ZBTB20: variants seen among roughly 807,000 people sequenced by gnomAD.
ZBTB20 encodes zinc finger and BTB domain-containing protein 20.
Under a neutral mutation model 56.9 loss-of-function variants are expected in ZBTB20, and 9 were observed. The ratio of observed to expected loss-of-function variants is 0.16; its 90% confidence interval spans 0.10 to 0.28. The LOEUF (loss-of-function observed/expected upper bound fraction) is 0.28. ZBTB20 is among the 10% of genes least tolerant of loss of function. ZBTB20 has a pLI of 1.00. For synonymous variants in ZBTB20, 417 were observed against 420.7 expected, an observed-to-expected ratio of 0.99 and a Z score of 0.11; for missense variants, 655 against 1,003.0, an observed-to-expected ratio of 0.65 and a Z score of 4.69.
chr3:114,765,639 C>T (rs1206337947), intron 5 of ZBTB20, among the ~76,000 whole-genome samples: 1 of 151,996 alleles, frequency 6.6e-6, no homozygotes, highest in East Asian at 1.9e-4. Flanking sequence ...ATTATGGCAG[C>T]CCTAGGAAAC....
At chr3:115,128,829 G>A (rs2084417403) in intron 1 of ZBTB20, among the ~76,000 whole-genome samples, 1 of 152,090 alleles carries the variant, frequency 6.6e-6, no homozygotes, top group Non-Finnish European at 1.5e-5. Context: ...GCAGGGCACG[G>A]TGGCTCACGC....
chr3:114,773,845 A>G (rs1038165535), intron 5 of ZBTB20, among the ~76,000 whole-genome samples: 2 of 152,242 alleles, frequency 1.3e-5, no homozygotes, highest in African/African-American at 4.8e-5. Flanking sequence ...CATACCTTTA[A>G]AGGAAATTAT....
chr3:115,124,211 G>T (rs1252949853), intron 1 of ZBTB20, among the ~76,000 whole-genome samples: 1 of 152,144 alleles, frequency 6.6e-6, no homozygotes, highest in Non-Finnish European at 1.5e-5. Flanking sequence ...TATGTTTTAT[G>T]CTTTGTTAAA....
intron 6 of ZBTB20, among the ~76,000 whole-genome samples, chr3:114,555,840 T>A (rs1033371035): frequency 1.3e-5 from 2 of 152,086 alleles, no homozygotes; most frequent in African/African-American, 4.8e-5. Flanking sequence ...AAAGTCTAGG[T>A]TGGGAAGCCA....
At chr3:114,717,003 T>C (rs1019116782) in intron 5 of ZBTB20, among the ~76,000 whole-genome samples, 4 of 152,028 alleles carry the variant, frequency 2.6e-5, no homozygotes, top group African/African-American at 4.8e-5. Flanking sequence ...GGGAGGTGTA[T>C]GTAGAGCAGA....
intron 2 of ZBTB20, among the ~76,000 whole-genome samples, chr3:115,037,302 G>A (rs2080967191): frequency 6.6e-6 from 1 of 151,990 alleles, no homozygotes. Context: ...GTGAGGAGGT[G>A]GAAACAGAGT....
intron 2 of ZBTB20, among the ~76,000 whole-genome samples, chr3:115,001,033 G>T (rs1372035266): frequency 8.0e-6 from 1 of 125,222 alleles, no homozygotes; most frequent in Non-Finnish European, 1.7e-5. Flanking sequence ...CCATTACGAG[G>T]AAAAAAATTA....
At chr3:114,716,230 C>T (rs781117885) in intron 5 of ZBTB20, among the ~76,000 whole-genome samples, 82 of 152,282 alleles carry the variant, frequency 5.4e-4, no homozygotes, top group Middle Eastern at 3.4e-3. Flanking sequence ...AAATCCAGCC[C>T]ATGCTGGATC....
At chr3:115,013,033 C>A (rs1361001117) in intron 2 of ZBTB20, among the ~76,000 whole-genome samples, 1 of 151,580 alleles carries the variant, frequency 6.6e-6, no homozygotes, top group Non-Finnish European at 1.5e-5. Flanking sequence ...AGTAAAAACA[C>A]AACATGCCAA....
At chr3:115,058,706 C>G (rs1478014672) in intron 2 of ZBTB20, among the ~76,000 whole-genome samples, 1 of 152,096 alleles carries the variant, frequency 6.6e-6, no homozygotes, top group African/African-American at 2.4e-5. Flanking sequence ...CCAGCCTGGG[C>G]AACAGAGCAA....
At chr3:114,738,184 T>G (rs1324133555) in intron 5 of ZBTB20, among the ~76,000 whole-genome samples, 1 of 152,090 alleles carries the variant, frequency 6.6e-6, no homozygotes, top group Non-Finnish European at 1.5e-5. Flanking sequence ...AAATTTGATA[T>G]AAATATACTA....
chr3:114,863,073 A>G (rs550543305), intron 4 of ZBTB20, among the ~76,000 whole-genome samples: 4 of 152,162 alleles, frequency 2.6e-5, no homozygotes, highest in African/African-American at 9.6e-5. Flanking sequence ...TCTATGAACC[A>G]GTGACTTCTG....
intron 7 of ZBTB20, among the ~76,000 whole-genome samples, chr3:114,465,715 AAAAG>A (rs1181047797): frequency 6.6e-6 from 1 of 152,042 alleles, no homozygotes; most frequent in Non-Finnish European, 1.5e-5. Flanking sequence ...TTAAAAAAAA[AAAAG>A]AAAGAAAGAA....
chr3:114,903,505 A>G, intron 3 of ZBTB20, among the ~76,000 whole-genome samples: 1 of 152,052 alleles, frequency 6.6e-6, no homozygotes, highest in Non-Finnish European at 1.5e-5. Flanking sequence ...AAAGCCAGTC[A>G]TGTGCTTGAT....
At chr3:114,730,915 T>A (rs2065688427) in intron 5 of ZBTB20, among the ~76,000 whole-genome samples, 1 of 152,150 alleles carries the variant, frequency 6.6e-6, no homozygotes, top group Non-Finnish European at 1.5e-5. Flanking sequence ...TCAAGAAATG[T>A]CCCAAGAGAC....
chr3:114,945,973 C>T (rs2076873739), intron 3 of ZBTB20, among the ~76,000 whole-genome samples: 1 of 145,480 alleles, frequency 6.9e-6, no homozygotes, highest in Admixed American at 6.6e-5. Flanking sequence ...AGGAAGATAT[C>T]ACAGTTCCAA....
intron 10 of ZBTB20, among the ~76,000 whole-genome samples, chr3:114,365,907 G>T (rs540443835): frequency 1.7e-4 from 26 of 152,230 alleles, no homozygotes; most frequent in Admixed American, 4.6e-4. Flanking sequence ...GATACACTTT[G>T]TTTTGTAGGT....
intron 6 of ZBTB20, among the ~76,000 whole-genome samples, chr3:114,692,359 GAGAT>G (rs2062751425): frequency 6.6e-6 from 1 of 152,098 alleles, no homozygotes; most frequent in South Asian, 2.1e-4. Flanking sequence ...CAGAGAGACA[GAGAT>G]AGATGTGCAA....
chr3:114,576,237 C>T (rs1321645715), intron 6 of ZBTB20, among the ~76,000 whole-genome samples: 2 of 151,976 alleles, frequency 1.3e-5, no homozygotes, highest in Non-Finnish European at 2.9e-5. Flanking sequence ...TGGTGGCTCA[C>T]GCCTGTAATC....
Sources: gnomAD v4.1 joint callset for allele counts (sites outside exome capture counted in the v4.1 genomes callset) on GRCh38, gnomAD v4.1.1 for gene constraint, MANE v1.5 for transcripts, NCBI Gene and HGNC (gene_info 2026-07-23, HGNC 2026-07-21) for gene names.